ARL13B: variants seen among roughly 807,000 people sequenced by gnomAD.
ARL13B encodes ADP-ribosylation factor-like protein 13B.
ARL13B carries 36 observed loss-of-function variants against 56.1 expected under a neutral mutation model. The observed-to-expected ratio is 0.64, with a 90% CI of 0.49 to 0.85. The LOEUF (loss-of-function observed/expected upper bound fraction) is 0.85, where lower values mean the gene tolerates loss of function less well. ARL13B is among the 40% of genes least tolerant of loss of function. The pLI is 0.00. For missense variants in ARL13B, 519 were observed against 507.1 expected, an observed-to-expected ratio of 1.02 and a Z score of -0.23; for synonymous variants, 178 against 171.1, an observed-to-expected ratio of 1.04 and a Z score of -0.32.
At chr3:94,022,601 T>C (rs892643415) in intron 3 of ARL13B, among the ~76,000 whole-genome samples, 17 of 152,192 alleles carry the variant, frequency 1.1e-4, no homozygotes, top group African/African-American at 4.1e-4. Flanking sequence ...ATTATTTATA[T>C]GTGAGTCACC....
chr3:94,000,347 G>A (rs79080093), intron 2 of ARL13B, among the ~76,000 whole-genome samples: 1 of 152,222 alleles, frequency 6.6e-6, no homozygotes, highest in Admixed American at 6.5e-5. Flanking sequence ...TGCTGCCGTA[G>A]TAGTTGGGGA....
chr3:93,989,652 A>T (rs1374340373), intron 1 of ARL13B, among the ~76,000 whole-genome samples: 1 of 151,832 alleles, frequency 6.6e-6, no homozygotes, highest in Admixed American at 6.6e-5. Context: ...AATTTTCATT[A>T]TATCCCTTTA....
intron 3 of ARL13B, among the ~76,000 whole-genome samples, chr3:94,023,506 T>A (rs2076492233): frequency 6.6e-6 from 1 of 152,122 alleles, no homozygotes; most frequent in Non-Finnish European, 1.5e-5. Flanking sequence ...TTTAAATAAT[T>A]TCTTTAAGAA....
intron 3 of ARL13B, chr3:94,014,860 T>C: frequency 6.2e-7 from 1 of 1,614,082 alleles, no homozygotes; most frequent in Non-Finnish European, 8.5e-7. Flanking sequence ...CATTGCAGCA[T>C]GCTGAGATTT....
intron 2 of ARL13B, among the ~76,000 whole-genome samples, chr3:93,997,913 G>A (rs35793773): frequency 0.33 from 49,977 of 151,980 alleles, 10,194 homozygotes; most frequent in East Asian, 0.52. Flanking sequence ...CTTGAACCCC[G>A]GAGATGGAGG....
intron 1 of ARL13B, among the ~76,000 whole-genome samples, chr3:93,992,887 A>G (rs989098388): frequency 5.3e-5 from 8 of 151,634 alleles, no homozygotes; most frequent in Non-Finnish European, 1.0e-4. Context: ...TCTACCTCCC[A>G]GGTTCAATCG....
At position 94,044,834 on chromosome 3, in the gene ARL13B, C is replaced by T. The variant is rs542610362; in HGVS notation, c.1024+1594C>T. 1.5e-4 allele frequency among the ~76,000 whole-genome samples: 21 copies of T among 144,708 alleles called. No individual in the cohort carries two copies. In the South Asian group the frequency reaches 1.8e-3, roughly 13 times the overall value. The allele number at this position is 144,708 out of a possible 152,430, so 94.9% of individuals were successfully genotyped here. A position where few individuals can be genotyped will look rare whatever the true frequency, so the allele number is the denominator to read the frequency against. On this transcript the variant is annotated intron_variant, in intron 7 of 9. Transcript: ENST00000394222. ...CTGGGAAGTGGGGAGCGCCTCTGCCCGGCCGCCCCGTCTGGGAAGTGAGGA... is the reference window on the plus strand; with the variant it reads ...CTGGGAAGTGGGGAGCGCCTCTGCCTGGCCGCCCCGTCTGGGAAGTGAGGA...
intron 1 of ARL13B, among the ~76,000 whole-genome samples, chr3:93,990,364 A>T (rs1357661240): frequency 1.3e-5 from 2 of 151,050 alleles, no homozygotes; most frequent in Admixed American, 6.6e-5. Context: ...CAAATTTTTA[A>T]TTTTTTTTTG....
intron 3 of ARL13B, chr3:94,014,547 C>T (rs1385859258): frequency 1.9e-6 from 3 of 1,612,716 alleles, no homozygotes; most frequent in Non-Finnish European, 1.7e-6. Flanking sequence ...CTCCTTGTTC[C>T]TCTACTAAAA....
intron 1 of ARL13B, chr3:93,988,676 G>A: frequency 2.1e-6 from 1 of 480,134 alleles, no homozygotes; most frequent in Non-Finnish European, 4.1e-6. Flanking sequence ...TCAAAGGTTG[G>A]AGTCTCCTCG....
rs759411579 is a variant in ARL13B, at chr3:94,034,230, C to CA, written c.381-1092dup. 3.8e-4 allele frequency among the ~76,000 whole-genome samples: 55 copies of CA among 146,216 alleles called. No individual in the cohort carries two copies. The East Asian group carries it at 4.7e-3, about 13-fold the overall frequency. On this transcript the variant is annotated intron_variant, in intron 3 of 9. Transcript: ENST00000394222. ...GATTTTAATGGTAACTTGGGAAATA[C>CA]AAAAAAAAAGAAGGTATATAGATAA...
At chr3:93,981,993 C>T (rs1476280244) in intron 1 of ARL13B, among the ~76,000 whole-genome samples, 1 of 151,260 alleles carries the variant, frequency 6.6e-6, no homozygotes, top group Non-Finnish European at 1.5e-5. Context: ...GAGGGTCATT[C>T]ATAATAGTTG....
chr3:93,992,672 A>C (rs1375720366), intron 1 of ARL13B, among the ~76,000 whole-genome samples: 1 of 152,230 alleles, frequency 6.6e-6, no homozygotes, highest in African/African-American at 2.4e-5. Context: ...AGCACTGTAG[A>C]TCTTGAAATG....
intron 3 of ARL13B, chr3:94,014,614 A>C (rs1029855641): frequency 3.1e-6 from 5 of 1,613,220 alleles, no homozygotes; most frequent in Non-Finnish European, 4.2e-6. Flanking sequence ...CAAATTAACA[A>C]GTTCCTTGTG....
At chr3:94,024,478 TACA>T (rs1454422202) in intron 3 of ARL13B, among the ~76,000 whole-genome samples, 2 of 152,254 alleles carry the variant, frequency 1.3e-5, no homozygotes, top group Non-Finnish European at 2.9e-5. Flanking sequence ...CCTCAAGAAC[TACA>T]ACATCTTGAA....
Position 93,980,410 on chromosome 3 carries a change from A to G in ARL13B, c.-14A>G, listed in dbSNP as rs751720827. The G allele has an allele frequency of 6.2e-7, 1 of 1,611,514 alleles. No individual in the cohort carries two copies. Among genetic ancestry groups the G allele is most frequent in the East Asian group, 2.2e-5 (1 of 44,828 alleles). ...CCGGGCTCGGATGGGAAGTGGTGGGAGGAGCGACCCGGGATGTTCAGTCTG... is the reference window on the plus strand; with the variant it reads ...CCGGGCTCGGATGGGAAGTGGTGGGGGGAGCGACCCGGGATGTTCAGTCTG... On this transcript the variant is annotated 5_prime_UTR_variant, in exon 1 of 10. Coordinates refer to ENST00000394222, the MANE Select transcript of ARL13B (RefSeq NM_001174150.2).
chr3:94,018,086 A>G (rs1003375239), intron 3 of ARL13B, among the ~76,000 whole-genome samples: 1 of 152,184 alleles, frequency 6.6e-6, no homozygotes, highest in Non-Finnish European at 1.5e-5. Flanking sequence ...AAACTGATAC[A>G]GGGGTGTCCC....
intron 3 of ARL13B, among the ~76,000 whole-genome samples, chr3:94,005,082 C>A (rs1408381107): frequency 6.6e-6 from 1 of 152,018 alleles, no homozygotes; most frequent in Non-Finnish European, 1.5e-5. Context: ...TTCATTAATA[C>A]ATGCATTAAT....
At position 94,012,474 on chromosome 3, in the gene ARL13B, C is replaced by T. The variant is rs575970445; in HGVS notation, c.380+8566C>T. ...TATCAGAAGTTAATCTAACTTTTTC[C>T]ACCACCACTATATAGTATGTAGTAA... On this transcript the variant is annotated intron_variant, in intron 3 of 9. Coordinates refer to ENST00000394222, the MANE Select transcript of ARL13B (RefSeq NM_001174150.2). Among the ~76,000 whole-genome samples, 22 of 152,192 alleles carry T rather than the reference C, an allele frequency of 1.4e-4. No homozygotes were observed. In the South Asian group the frequency reaches 4.4e-3, roughly 30 times the overall value.
Sources: allele counts gnomAD v4.1 joint callset (sites outside exome capture counted in the v4.1 genomes callset), GRCh38; gene constraint gnomAD v4.1.1; transcripts MANE v1.5; gene names NCBI Gene and HGNC (gene_info 2026-07-23, HGNC 2026-07-21).